PRKAR1B: variants seen among roughly 807,000 people sequenced by gnomAD.
PRKAR1B encodes protein kinase cAMP-dependent type I regulatory subunit beta.
In PRKAR1B, 22 loss-of-function variants were observed where a neutral mutation model predicts 46.5. The ratio of observed to expected loss-of-function variants is 0.47; its 90% CI spans 0.34 to 0.68. PRKAR1B has a LOEUF of 0.68. Among genes scored for constraint, PRKAR1B ranks in the 30% least tolerant of loss-of-function variants. PRKAR1B has a pLI of 0.01. For missense variants in PRKAR1B, 445 were observed against 535.6 expected (o/e 0.83, Z 1.67); for synonymous variants, 259 against 217.7 (o/e 1.19, Z -1.67).
At chr7:717,869 AGT>A (rs1032425115) in intron 1 of PRKAR1B, among the ~76,000 whole-genome samples, 6 of 151,804 alleles carry the variant, frequency 4.0e-5, no homozygotes, top group South Asian at 2.1e-4. Flanking sequence ...CCTCCCCTTG[AGT>A]GTGTGTAGGT....
intron 4 of PRKAR1B, among the ~76,000 whole-genome samples, chr7:632,326 G>A (rs1054355393): frequency 1.4e-4 from 21 of 152,108 alleles, no homozygotes; most frequent in African/African-American, 4.3e-4. Flanking sequence ...CCACCTCGCC[G>A]AAGCCGGCAC....
intron 2 of PRKAR1B, among the ~76,000 whole-genome samples, chr7:698,835 C>T (rs955198417): frequency 2.0e-5 from 3 of 152,132 alleles, no homozygotes; most frequent in African/African-American, 7.2e-5. Flanking sequence ...AGTGTGTGTA[C>T]ATGTCACTCA....
chr7:557,400 C>T (rs562281167), intron 9 of PRKAR1B, among the ~76,000 whole-genome samples: 169 of 152,360 alleles, frequency 1.1e-3, no homozygotes, highest in Non-Finnish European at 1.9e-3. Context: ...CGCACTGTTG[C>T]AGGGACTGTT....
chr7:707,253 C>T (rs1780377815), intron 2 of PRKAR1B, among the ~76,000 whole-genome samples: 1 of 152,224 alleles, frequency 6.6e-6, no homozygotes, highest in African/African-American at 2.4e-5. Context: ...ATGCCTGTCC[C>T]TATCAGCTAC....
chr7:576,196 C>G (rs570657243), intron 9 of PRKAR1B, among the ~76,000 whole-genome samples: 20 of 149,114 alleles, frequency 1.3e-4, no homozygotes, highest in African/African-American at 4.0e-4. Context: ...CTCCTCTGCA[C>G]ATGGGCAGGC....
intron 4 of PRKAR1B, among the ~76,000 whole-genome samples, chr7:620,842 G>C (rs1345130110): frequency 1.3e-5 from 2 of 152,188 alleles, no homozygotes; most frequent in East Asian, 3.8e-4. Context: ...AAAGCCATCA[G>C]AGCCTCATTG....
At chr7:613,621 C>T (rs964323367) in intron 4 of PRKAR1B, among the ~76,000 whole-genome samples, 25 of 152,202 alleles carry the variant, frequency 1.6e-4, no homozygotes, top group African/African-American at 5.3e-4. Context: ...CCCATCGTTC[C>T]GCACTGTGAA....
At chr7:630,808 C>A (rs542301601) in intron 4 of PRKAR1B, among the ~76,000 whole-genome samples, 2 of 152,044 alleles carry the variant, frequency 1.3e-5, no homozygotes, top group Admixed American at 6.6e-5. Flanking sequence ...GGGAGCACAC[C>A]CCCCCCACCA....
chr7:694,796 G>A (rs916825601), intron 2 of PRKAR1B, among the ~76,000 whole-genome samples: 8 of 152,208 alleles, frequency 5.3e-5, no homozygotes, highest in African/African-American at 1.7e-4. Context: ...AGCACTTTGG[G>A]AGGCCAAGGT....
At chr7:576,850 C>T (rs146444210) in intron 9 of PRKAR1B, among the ~76,000 whole-genome samples, 1 of 152,222 alleles carries the variant, frequency 6.6e-6, no homozygotes, top group African/African-American at 2.4e-5. Flanking sequence ...TTTGCAGGTG[C>T]AGGGGCCCGA....
chr7:583,731 C>T (rs1328682626), intron 8 of PRKAR1B, among the ~76,000 whole-genome samples: 1 of 151,976 alleles, frequency 6.6e-6, no homozygotes, highest in Non-Finnish European at 1.5e-5. Context: ...GCATTCTACA[C>T]ACATGCACAC....
intron 2 of PRKAR1B, among the ~76,000 whole-genome samples, chr7:688,752 C>A (rs1779243463): frequency 6.6e-6 from 1 of 152,158 alleles, no homozygotes; most frequent in Non-Finnish European, 1.5e-5. Flanking sequence ...GTCCTCTCAG[C>A]AGTTACGTAT....
intron 1 of PRKAR1B, among the ~76,000 whole-genome samples, chr7:726,128 G>A (rs1781259235): frequency 6.6e-6 from 1 of 152,026 alleles, no homozygotes; most frequent in South Asian, 2.1e-4. Flanking sequence ...ACTCTCTATT[G>A]CAATTCCCCT....
intron 4 of PRKAR1B, among the ~76,000 whole-genome samples, chr7:651,709 C>A (rs1784912331): frequency 6.8e-6 from 1 of 146,150 alleles, no homozygotes; most frequent in Non-Finnish European, 1.5e-5. Context: ...CCTGGGGAAA[C>A]CCCTCTCGGA....
At chr7:570,122 A>C (rs1779408882) in intron 9 of PRKAR1B, among the ~76,000 whole-genome samples, 1 of 152,224 alleles carries the variant, frequency 6.6e-6, no homozygotes, top group African/African-American at 2.4e-5. Flanking sequence ...GCAGAGGCCA[A>C]GCCCGGCACC....
chr7:583,206 T>C (rs982181259), intron 8 of PRKAR1B, among the ~76,000 whole-genome samples: 2 of 152,076 alleles, frequency 1.3e-5, no homozygotes, highest in Admixed American at 6.5e-5. Flanking sequence ...ACGGTCGGCG[T>C]GCTGTGACGT....
chr7:692,541 T>A (rs1029474260), intron 2 of PRKAR1B, among the ~76,000 whole-genome samples: 8 of 152,058 alleles, frequency 5.3e-5, no homozygotes, highest in Non-Finnish European at 1.0e-4. Flanking sequence ...CTAGAAATAG[T>A]AGCAATAATA....
intron 4 of PRKAR1B, among the ~76,000 whole-genome samples, chr7:626,467 C>A (rs1783409012): frequency 6.6e-6 from 1 of 152,126 alleles, no homozygotes. Context: ...TGCACTCCAG[C>A]CTGGATGACA....
At chr7:591,999 A>T (rs147231466) in intron 7 of PRKAR1B, among the ~76,000 whole-genome samples, 1,751 of 152,296 alleles carry the variant, frequency 0.011, 21 homozygotes, top group African/African-American at 0.028. Flanking sequence ...CCCCAGGGCC[A>T]ATGAGAAGAG....
Sources: gnomAD v4.1 joint callset for allele counts (sites outside exome capture counted in the v4.1 genomes callset) on GRCh38, gnomAD v4.1.1 for gene constraint, MANE v1.5 for transcripts, NCBI Gene and HGNC (gene_info 2026-07-23, HGNC 2026-07-21) for gene names.